The following GALNT17 variants were observed in gnomAD, a reference collection of about 807,000 sequenced individuals.
GALNT17 encodes the protein UDP-GalNAc:polypeptide N-acetylgalactosaminyltransferase-like 3.
GALNT17 carries 29 observed loss-of-function variants against 63.7 expected under a neutral mutation model. The ratio of observed to expected loss-of-function variants is 0.46; its 90% confidence interval spans 0.34 to 0.62. The LOEUF (loss-of-function observed/expected upper bound fraction) is 0.62, where lower values mean the gene tolerates loss of function less well. Ranked by LOEUF, GALNT17 falls within the 20% of genes least tolerant of loss-of-function variation. The probability of loss-of-function intolerance (pLI) is 0.01; values close to 1 mark genes in which losing one functional copy is unlikely to be tolerated. For missense variants in GALNT17, 603 were observed against 799.6 expected (o/e 0.75, Z 2.97); for synonymous variants, 305 against 318.3 (o/e 0.96, Z 0.45).
chr7:71,549,296 G>T (rs1388052033), intron 5 of GALNT17, among the ~76,000 whole-genome samples: 3 of 152,198 alleles, frequency 2.0e-5, no homozygotes, highest in Admixed American at 2.0e-4. Context: ...GCTGGGCACG[G>T]TGGCTCATTC....
rs199760038 is a variant in GALNT17 at position 71,182,182 on chromosome 7, AT to A, written c.238+49143del. ...AAGAGCGAAACTCCATCTAAAAAAA[AT>A]AAATAAATAAGAGAGAGAATCACTA... is the stretch of plus-strand genomic sequence containing the variant. On this transcript the variant is annotated intron_variant, in intron 1 of 10. Transcript: ENST00000333538. Among the ~76,000 whole-genome samples, 479 of 151,784 alleles carry A rather than the reference AT, an allele frequency of 3.2e-3. 1 individual carries two copies. Among genetic ancestry groups the A allele is most frequent in the African/African-American group, 0.01 (428 of 41,220 alleles).
intron 6 of GALNT17, among the ~76,000 whole-genome samples, chr7:71,663,233 C>T (rs1235432179): frequency 6.6e-6 from 1 of 152,138 alleles, no homozygotes; most frequent in Non-Finnish European, 1.5e-5. Flanking sequence ...GCAAGGAATT[C>T]AGCTGGGATT....
chr7:71,365,009 C>T (rs1792477172), intron 2 of GALNT17, among the ~76,000 whole-genome samples: 1 of 152,084 alleles, frequency 6.6e-6, no homozygotes, highest in African/African-American at 2.4e-5. Flanking sequence ...TGGCTCACTG[C>T]AACCTCTGCC....
chr7:71,388,774 A>G (rs1792998056), intron 3 of GALNT17, among the ~76,000 whole-genome samples: 1 of 151,920 alleles, frequency 6.6e-6, no homozygotes. Context: ...TGATCCGCTC[A>G]CCTCAGCTTC....
chr7:71,488,304 G>A (rs1414463844), intron 5 of GALNT17, among the ~76,000 whole-genome samples: 5 of 152,124 alleles, frequency 3.3e-5, no homozygotes, highest in Admixed American at 2.6e-4. Context: ...GCTAATGAGG[G>A]CTCATAGCAG....
In GALNT17 at chr7:71,388,355, A is replaced by G. The variant is rs1467147561; in HGVS notation, c.543A>G (p.Thr181=). ...SVHSAVNHTP[T]HLLKEIILVD... ...ACAGTGCCGTCAATCACACGCCCAC[A>G]CACCTGCTGAAGGAAATCATTCTGG... Residue 181 remains threonine (T), a synonymous_variant, in exon 3 of 11, where the codon ACA becomes ACG. Transcript: ENST00000333538. 21 of 1,613,742 alleles carry G rather than the reference A, an allele frequency of 1.3e-5. No individual in the cohort carries two copies. The highest frequency in any genetic ancestry group is 1.7e-5 in the Non-Finnish European group (20 of 1,179,970).
At chr7:71,318,682 C>A (rs1791546741) in intron 1 of GALNT17, among the ~76,000 whole-genome samples, 1 of 152,156 alleles carries the variant, frequency 6.6e-6, no homozygotes, top group Non-Finnish European at 1.5e-5. Flanking sequence ...CCCACCTCAG[C>A]CTCCCAAAGT....
intron 6 of GALNT17, among the ~76,000 whole-genome samples, chr7:71,623,738 A>G (rs1340742128): frequency 6.6e-6 from 1 of 152,128 alleles, no homozygotes; most frequent in Non-Finnish European, 1.5e-5. Context: ...GCGTGGCCTC[A>G]GTGGTAGTTT....
intron 1 of GALNT17, among the ~76,000 whole-genome samples, chr7:71,152,180 A>G (rs1410400796): frequency 6.6e-6 from 1 of 152,130 alleles, no homozygotes; most frequent in African/African-American, 2.4e-5. Flanking sequence ...ATGACTAATA[A>G]AATACACAAA....
chr7:71,296,501 G>C (rs1220952348), intron 1 of GALNT17, among the ~76,000 whole-genome samples: 1 of 151,980 alleles, frequency 6.6e-6, no homozygotes, highest in Non-Finnish European at 1.5e-5. Flanking sequence ...TGTAATCCCA[G>C]CTACTCGGGA....
In GALNT17 at chr7:71,512,244, A is replaced by G. The variant is rs187952328; in HGVS notation, c.963-59041A>G. On this transcript the variant is annotated intron_variant, in intron 5 of 10. Coordinates refer to ENST00000333538, the MANE Select transcript of GALNT17 (RefSeq NM_022479.3). Reference sequence around the variant, plus strand: ...GGTCTCAAACTCCTGACCTCAAGTGATCCGCCCGCCTCACTCCTCCCAAAG... The same window carrying G: ...GGTCTCAAACTCCTGACCTCAAGTGGTCCGCCCGCCTCACTCCTCCCAAAG... 1.8e-3 allele frequency among the ~76,000 whole-genome samples: 267 copies of G among 152,072 alleles called. 1 individual carries two copies. Among genetic ancestry groups the G allele is most frequent in the African/African-American group, 6.0e-3 (247 of 41,466 alleles).
chr7:71,374,700 A>T (rs1317887115), intron 2 of GALNT17, among the ~76,000 whole-genome samples: 1 of 134,154 alleles, frequency 7.5e-6, no homozygotes, highest in East Asian at 2.1e-4. Flanking sequence ...GATCTGCTCA[A>T]TCTCTCTGGC....
At chr7:71,493,824 C>T (rs1184536034) in intron 5 of GALNT17, among the ~76,000 whole-genome samples, 2 of 152,158 alleles carry the variant, frequency 1.3e-5, no homozygotes, top group Admixed American at 6.5e-5. Context: ...TTTACCTGTC[C>T]TCTCTGAACA....
intron 1 of GALNT17, among the ~76,000 whole-genome samples, chr7:71,320,055 TG>T (rs1045675107): frequency 6.6e-6 from 1 of 152,170 alleles, no homozygotes; most frequent in African/African-American, 2.4e-5. Context: ...TCAAAGGCTG[TG>T]GGTGGGGAAG....
intron 5 of GALNT17, among the ~76,000 whole-genome samples, chr7:71,542,806 A>G (rs923846741): frequency 4.6e-5 from 7 of 152,078 alleles, no homozygotes; most frequent in African/African-American, 2.4e-5. Context: ...CCCTTTGAGA[A>G]TTAAAATATA....
chr7:71,402,132 T>C (rs1793251986), intron 3 of GALNT17, among the ~76,000 whole-genome samples: 1 of 152,214 alleles, frequency 6.6e-6, no homozygotes. Context: ...GTTTTCATTG[T>C]GAGGTTTAGA....
intron 6 of GALNT17, among the ~76,000 whole-genome samples, chr7:71,601,942 G>T (rs567416965): frequency 6.6e-6 from 1 of 152,094 alleles, no homozygotes; most frequent in South Asian, 2.1e-4. Flanking sequence ...GCCTTTGTGC[G>T]GATCTTCCCT....
At chr7:71,490,907 A>G (rs918458798) in intron 5 of GALNT17, among the ~76,000 whole-genome samples, 7 of 152,064 alleles carry the variant, frequency 4.6e-5, no homozygotes, top group Admixed American at 1.3e-4. Flanking sequence ...AAAAAAAGGA[A>G]AAATGACTGG....
intron 1 of GALNT17, among the ~76,000 whole-genome samples, chr7:71,199,693 C>G (rs979999242): frequency 2.6e-4 from 37 of 141,840 alleles, no homozygotes; most frequent in Non-Finnish European, 5.4e-4. Flanking sequence ...ATCCATCCAT[C>G]CATCCATCCA....
Sources: gnomAD v4.1 joint callset for allele counts (sites outside exome capture counted in the v4.1 genomes callset) on GRCh38, gnomAD v4.1.1 for gene constraint, MANE v1.5 for transcripts, NCBI Gene and HGNC (gene_info 2026-07-23, HGNC 2026-07-21) for gene names.